AR: variants seen among roughly 807,000 people sequenced by gnomAD.
The protein encoded by AR is dihydrotestosterone receptor.
AR carries 8 observed loss-of-function variants against 53.9 expected under a neutral mutation model. That is an observed-to-expected ratio of 0.15 (90% CI 0.09 to 0.27). The LOEUF (loss-of-function observed/expected upper bound fraction) is 0.27, where lower values mean the gene tolerates loss of function less well. Ranked by LOEUF, AR falls within the 10% of genes least tolerant of loss-of-function variation. AR has a pLI of 1.00. For missense variants in AR, 639 were observed against 742.5 expected (o/e 0.86, Z 1.62); for synonymous variants, 359 against 316.4 (o/e 1.13, Z -1.43).
rs1157364765 is a variant in AR at position 67,677,307 on chromosome X, A to G, written c.1769-8703A>G. Among the ~76,000 whole-genome samples the G allele has an allele frequency of 2.7e-4, 30 of 111,960 alleles. No homozygotes were observed. In the Admixed American group the frequency reaches 2.8e-3, roughly 11 times the overall value. On this transcript the variant is annotated intron_variant, in intron 2 of 7. Coordinates refer to ENST00000374690, the MANE Select transcript of AR (RefSeq NM_000044.6). ...TAAGAAGCATGTTACAGAAAGCTTT[A>G]TTGGCCAACAACATATTGAAAGATA...
intron 2 of AR, among the ~76,000 whole-genome samples, chrX:67,665,261 T>A (rs1363867456): frequency 8.9e-6 from 1 of 112,474 alleles, no homozygotes; most frequent in East Asian, 2.8e-4. Context: ...TTCACAAAAA[T>A]CTTACTTTGG....
intron 1 of AR, among the ~76,000 whole-genome samples, chrX:67,559,613 T>A (rs934083106): frequency 2.7e-5 from 3 of 112,286 alleles, no homozygotes; most frequent in African/African-American, 9.7e-5. Context: ...TCTCTCCAGG[T>A]TTTCTTTTAA....
chrX:67,727,126 G>A lies in AR; in HGVS notation c.*3285G>A. The A allele has an allele frequency of 5.8e-6, 1 of 172,913 alleles. No individual in the cohort carries two copies. 14.2% of individuals were successfully genotyped at this position (172,913 alleles called of 1,213,427 possible). A position where few individuals can be genotyped will look rare whatever the true frequency, so the allele number is the denominator to read the frequency against. ...GGCAGCTCGCCTAGGCCCAGCCTCT[G>A]AGCTGACATGGGAGTTGTTGGATTC... is the stretch of plus-strand genomic sequence containing the variant. On this transcript the variant is annotated 3_prime_UTR_variant, in exon 8 of 8. Transcript: ENST00000374690.
At chrX:67,548,525 A>G (rs1009463432) in intron 1 of AR, among the ~76,000 whole-genome samples, 3 of 110,886 alleles carry the variant, frequency 2.7e-5, no homozygotes, top group Non-Finnish European at 3.8e-5. Context: ...TTCTTGGGGG[A>G]AAATGTCTAA....
chrX:67,608,629 T>C (rs1029019349), intron 1 of AR, among the ~76,000 whole-genome samples: 5 of 111,986 alleles, frequency 4.5e-5, no homozygotes, highest in African/African-American at 1.6e-4. Context: ...AATTCAGACC[T>C]GCAATGAAGT....
chrX:67,569,216 G>C (rs1311367555), intron 1 of AR, among the ~76,000 whole-genome samples: 9 of 104,236 alleles, frequency 8.6e-5, no homozygotes, highest in Non-Finnish European at 5.9e-5. Context: ...TGTGTGTGGG[G>C]GGGGGTTGGG....
intron 3 of AR, among the ~76,000 whole-genome samples, chrX:67,707,691 T>C (rs1458318775): frequency 8.9e-6 from 1 of 112,000 alleles, no homozygotes; most frequent in Admixed American, 9.5e-5. Context: ...CATTGTGATG[T>C]TAGCTGGTTC....
At chrX:67,550,947 G>A (rs1260822557) in intron 1 of AR, among the ~76,000 whole-genome samples, 2 of 103,793 alleles carry the variant, frequency 1.9e-5, no homozygotes, top group Non-Finnish European at 3.9e-5. Flanking sequence ...ATTAACCCCA[G>A]TATCTCTCCC....
rs140999565 is a variant in AR at position 67,672,872 on chromosome X, T to A, written c.1769-13138T>A. ...AGTTTTGTATTTTCAGATAATTTGT[T>A]ATTGCTCACTAACATCCTATTCTTT... On this transcript the variant is annotated intron_variant, in intron 2 of 7. Coordinates refer to ENST00000374690, the MANE Select transcript of AR (RefSeq NM_000044.6). Among the ~76,000 whole-genome samples the A allele has an allele frequency of 7.9e-3, 886 of 111,497 alleles. 7 individuals are homozygous for A. Among genetic ancestry groups the A allele is most frequent in the African/African-American group, 0.027 (842 of 30,714 alleles).
intron 3 of AR, among the ~76,000 whole-genome samples, chrX:67,702,382 C>T (rs2076046311): frequency 9.0e-6 from 1 of 111,200 alleles, no homozygotes. Flanking sequence ...GAGCTGTGTC[C>T]AAGAACTCAT....
At position 67,729,809 on chromosome X, in the gene AR, T is replaced by C; in HGVS notation, c.*5968T>C. 3 of 171,490 alleles carry C rather than the reference T, an allele frequency of 1.7e-5. No individual in the cohort carries two copies. Among genetic ancestry groups the C allele is most frequent in the Non-Finnish European group, 3.3e-5 (3 of 90,208 alleles). The allele number at this position is 171,490 out of a possible 1,213,427, so 14.1% of individuals were successfully genotyped here. A position where few individuals can be genotyped will look rare whatever the true frequency, so the allele number is the denominator to read the frequency against. The stretch of plus-strand genomic sequence containing the variant: ...CTCTGGTGGTTCCCTCTCTGGCTGC[T>C]GCCTCACAGTATGGGAACCTGTACT... On this transcript the variant is annotated 3_prime_UTR_variant, in exon 8 of 8. Transcript: ENST00000374690.
intron 1 of AR, among the ~76,000 whole-genome samples, chrX:67,630,419 T>G (rs1411305170): frequency 9.0e-6 from 1 of 111,309 alleles, no homozygotes; most frequent in African/African-American, 3.3e-5. Flanking sequence ...TTTTGATCTT[T>G]GTTGGTTTAA....
At chrX:67,633,971 T>A (rs1343066251) in intron 1 of AR, among the ~76,000 whole-genome samples, 1 of 109,326 alleles carries the variant, frequency 9.1e-6, no homozygotes, top group Non-Finnish European at 1.9e-5. Context: ...ATAATTGCTC[T>A]AAAATTAGTT....
intron 5 of AR, among the ~76,000 whole-genome samples, chrX:67,721,004 G>T (rs1409014629): frequency 9.0e-6 from 1 of 111,449 alleles, no homozygotes; most frequent in African/African-American, 3.3e-5. Flanking sequence ...GAACCGAGAG[G>T]TTGCTCTTCC....
At chrX:67,585,082 C>A (rs1424076270) in intron 1 of AR, among the ~76,000 whole-genome samples, 1 of 110,232 alleles carries the variant, frequency 9.1e-6, no homozygotes, top group African/African-American at 3.3e-5. Flanking sequence ...ATGGTGAAAC[C>A]CCATGTCTAC....
intron 1 of AR, among the ~76,000 whole-genome samples, chrX:67,599,873 C>T (rs1412716259): frequency 2.7e-5 from 3 of 111,483 alleles, no homozygotes; most frequent in South Asian, 3.7e-4. Context: ...TTATGATATG[C>T]GCATATGGAA....
intron 2 of AR, among the ~76,000 whole-genome samples, chrX:67,655,541 G>T (rs1283673985): frequency 1.8e-5 from 2 of 111,209 alleles, no homozygotes; most frequent in African/African-American, 3.3e-5. Context: ...GGGATATGGA[G>T]GTATAGAGTG....
chrX:67,645,049 C>T (rs1298827011), intron 2 of AR, among the ~76,000 whole-genome samples: 1 of 110,932 alleles, frequency 9.0e-6, no homozygotes, highest in Non-Finnish European at 1.9e-5. Context: ...CCTAGCGGGC[C>T]CTGTCTATAG....
At chrX:67,638,545 G>C (rs1275624834) in intron 1 of AR, among the ~76,000 whole-genome samples, 1 of 111,523 alleles carries the variant, frequency 9.0e-6, no homozygotes, top group African/African-American at 3.3e-5. Context: ...ATTTCATTGT[G>C]GTTTTGATTT....
Sources: allele counts gnomAD v4.1 joint callset (sites outside exome capture counted in the v4.1 genomes callset), GRCh38; gene constraint gnomAD v4.1.1; transcripts MANE v1.5; gene names NCBI Gene and HGNC (gene_info 2026-07-23, HGNC 2026-07-21).